The following ARL15 variants were observed in gnomAD, a reference collection of about 807,000 sequenced individuals.
ARL15 encodes ARF like GTPase 15.
A neutral mutation model predicts 25.2 loss-of-function variants in ARL15; 19 were observed. The ratio of observed to expected loss-of-function variants is 0.75; its 90% CI spans 0.53 to 1.10. ARL15 has a LOEUF of 1.10. Ranked by LOEUF, ARL15 falls within the 50% of genes least tolerant of loss-of-function variation. ARL15 has a pLI of 0.00. For missense variants in ARL15, 220 were observed against 246.0 expected (o/e 0.89, Z 0.71); for synonymous variants, 94 against 86.8 (o/e 1.08, Z -0.46).
chr5:54,189,130 T>C (rs1755325300), intron 1 of ARL15, among the ~76,000 whole-genome samples: 1 of 151,996 alleles, frequency 6.6e-6, no homozygotes, highest in Non-Finnish European at 1.5e-5. Flanking sequence ...GAAAAGCTTG[T>C]ACAATAAAAG....
At chr5:54,031,778 A>C (rs531453710) in intron 4 of ARL15, among the ~76,000 whole-genome samples, 151 of 152,250 alleles carry the variant, frequency 9.9e-4, no homozygotes, top group African/African-American at 3.5e-3. Context: ...GCAAGAACTA[A>C]ATGCAGTTTC....
In ARL15 at chr5:54,290,246, T is replaced by G. The variant is rs1263378774; in HGVS notation, c.48+20186A>C. 3.3e-5 allele frequency among the ~76,000 whole-genome samples: 5 copies of G among 152,174 alleles called. No homozygotes were observed. In the East Asian group the frequency reaches 9.6e-4, roughly 29 times the overall value. Reference sequence around the variant, plus strand: ...TTGTCCAGATTGGCAATGCGACATGTTTAAACTGAAGAAGTTTTAGTCTAC... The same window carrying G: ...TTGTCCAGATTGGCAATGCGACATGGTTAAACTGAAGAAGTTTTAGTCTAC... On this transcript the variant is annotated intron_variant, in intron 1 of 4. Coordinates refer to ENST00000504924, the MANE Select transcript of ARL15 (RefSeq NM_019087.3).
intron 1 of ARL15, among the ~76,000 whole-genome samples, chr5:54,270,405 G>A (rs1427036223): frequency 1.3e-5 from 2 of 152,136 alleles, no homozygotes; most frequent in African/African-American, 2.4e-5. Flanking sequence ...CGATAAAGGA[G>A]AATCCACACA....
intron 4 of ARL15, among the ~76,000 whole-genome samples, chr5:53,908,720 C>G (rs955994745): frequency 4.6e-5 from 7 of 152,144 alleles, no homozygotes; most frequent in African/African-American, 1.4e-4. Context: ...TAGGGTCATG[C>G]TGTTCCTGGG....
At chr5:54,062,135 T>C (rs915717294) in intron 4 of ARL15, among the ~76,000 whole-genome samples, 5 of 152,272 alleles carry the variant, frequency 3.3e-5, no homozygotes, top group East Asian at 3.9e-4. Flanking sequence ...TTTGGAATGG[T>C]TGTATTTACC....
At chr5:54,124,122 A>C (rs777767727) in intron 3 of ARL15, among the ~76,000 whole-genome samples, 1 of 152,212 alleles carries the variant, frequency 6.6e-6, no homozygotes, top group Non-Finnish European at 1.5e-5. Flanking sequence ...TATTTGCCTG[A>C]GGACAGAGAA....
chr5:54,152,096 T>C (rs1156400211), intron 3 of ARL15, among the ~76,000 whole-genome samples: 1 of 152,172 alleles, frequency 6.6e-6, no homozygotes, highest in Non-Finnish European at 1.5e-5. Flanking sequence ...TGATTGACAA[T>C]GTGATTGAAC....
At chr5:54,223,408 T>C (rs902049002) in intron 1 of ARL15, among the ~76,000 whole-genome samples, 4 of 152,178 alleles carry the variant, frequency 2.6e-5, no homozygotes, top group African/African-American at 9.7e-5. Context: ...TGTGGCGTTT[T>C]AGAGTTCGCA....
chr5:54,225,952 TAA>T (rs1177130110), intron 1 of ARL15, among the ~76,000 whole-genome samples: 1 of 152,152 alleles, frequency 6.6e-6, no homozygotes, highest in African/African-American at 2.4e-5. Flanking sequence ...GATCGAAAAC[TAA>T]AAAGACTTTC....
chr5:54,267,599 T>G (rs72754280), intron 1 of ARL15, among the ~76,000 whole-genome samples: 4,968 of 152,122 alleles, frequency 0.033, 162 homozygotes, highest in African/African-American at 0.083. Flanking sequence ...TTGATAAAAA[T>G]CTCTCTAGGT....
chr5:54,031,889 A>C (rs1750005118), intron 4 of ARL15, among the ~76,000 whole-genome samples: 1 of 152,218 alleles, frequency 6.6e-6, no homozygotes, highest in Non-Finnish European at 1.5e-5. Context: ...GTTATATAGA[A>C]AGGAAAAAGG....
chr5:54,111,656 A>G (rs1027058721), intron 4 of ARL15, among the ~76,000 whole-genome samples: 3 of 152,120 alleles, frequency 2.0e-5, no homozygotes, highest in African/African-American at 7.2e-5. Flanking sequence ...AATGGCACTT[A>G]TATCTATGTT....
chr5:54,176,917 G>A (rs1332024314), intron 1 of ARL15, among the ~76,000 whole-genome samples: 1 of 152,178 alleles, frequency 6.6e-6, no homozygotes, highest in Admixed American at 6.5e-5. Flanking sequence ...AGCCCAGACT[G>A]TAGTACTTCC....
intron 4 of ARL15, among the ~76,000 whole-genome samples, chr5:53,959,383 G>A (rs1747284982): frequency 6.6e-6 from 1 of 152,102 alleles, no homozygotes; most frequent in Admixed American, 6.5e-5. Context: ...CTATGTGCTA[G>A]GCAATAGAGA....
At chr5:53,925,322 C>T (rs576495147) in intron 4 of ARL15, among the ~76,000 whole-genome samples, 2 of 151,960 alleles carry the variant, frequency 1.3e-5, no homozygotes, top group East Asian at 1.9e-4. Flanking sequence ...TAGCCTCCCT[C>T]GTAGCTGGGA....
intron 4 of ARL15, among the ~76,000 whole-genome samples, chr5:53,937,294 TACACACACAC>T (rs10647066): frequency 6.7e-6 from 1 of 149,560 alleles, no homozygotes; most frequent in African/African-American, 2.4e-5. Flanking sequence ...CGCCTGCGCA[TACACACACAC>T]ACACACACAC....
intron 3 of ARL15, among the ~76,000 whole-genome samples, chr5:54,131,866 G>C (rs1031187181): frequency 6.6e-6 from 1 of 150,794 alleles, no homozygotes; most frequent in Non-Finnish European, 1.5e-5. Context: ...TCGCGCCACT[G>C]CACTCCAGCC....
At chr5:54,178,819 T>TGTTAC (rs1487149901) in intron 1 of ARL15, among the ~76,000 whole-genome samples, 1 of 152,230 alleles carries the variant, frequency 6.6e-6, no homozygotes, top group Non-Finnish European at 1.5e-5. Flanking sequence ...CAGTCAGTTA[T>TGTTAC]GGCTCTGTCT....
intron 4 of ARL15, among the ~76,000 whole-genome samples, chr5:54,013,706 T>A (rs893264693): frequency 1.3e-5 from 2 of 152,210 alleles, no homozygotes; most frequent in Non-Finnish European, 2.9e-5. Context: ...GGCAACTGAC[T>A]GACTCCATCT....
Sources: allele counts gnomAD v4.1 joint callset (sites outside exome capture counted in the v4.1 genomes callset), GRCh38; gene constraint gnomAD v4.1.1; transcripts MANE v1.5; gene names NCBI Gene and HGNC (gene_info 2026-07-23, HGNC 2026-07-21).